LIMS1: variants seen among roughly 807,000 people sequenced by gnomAD.
LIMS1 encodes the protein LIM and senescent cell antigen-like-containing domain protein 1.
A neutral mutation model predicts 44.1 loss-of-function variants in LIMS1; 18 were observed. The ratio of observed to expected loss-of-function variants is 0.41; its 90% confidence interval spans 0.28 to 0.61. The LOEUF (loss-of-function observed/expected upper bound fraction) is 0.61, where lower values mean the gene tolerates loss of function less well. Ranked by LOEUF, LIMS1 falls within the 20% of genes least tolerant of loss-of-function variation. LIMS1 has a pLI of 0.32. For synonymous variants in LIMS1, 93 were observed against 149.1 expected, an observed-to-expected ratio of 0.62 and a Z score of 2.74; for missense variants, 201 against 422.0, an observed-to-expected ratio of 0.48 and a Z score of 4.59.
At chr2:108,674,737 A>G (rs13417627) in intron 5 of LIMS1, among the ~76,000 whole-genome samples, 10 of 130,134 alleles carry the variant, frequency 7.7e-5, no homozygotes, top group Non-Finnish European at 1.2e-4. Context: ...AAAAAAAAAA[A>G]AGAGAAAGAA....
intron 1 of LIMS1, among the ~76,000 whole-genome samples, chr2:108,643,577 C>T (rs565759146): frequency 3.9e-4 from 57 of 146,502 alleles, no homozygotes; most frequent in Non-Finnish European, 6.7e-4. Context: ...GGGCAGACAC[C>T]GAGCTAGCCA....
At chr2:108,631,916 C>T (rs1452164892) in intron 1 of LIMS1, among the ~76,000 whole-genome samples, 3 of 152,260 alleles carry the variant, frequency 2.0e-5, no homozygotes, top group Admixed American at 6.5e-5. Flanking sequence ...TTTCTCAGCT[C>T]CTTCACATTT....
At chr2:108,537,897 A>T (rs1412752397) in intron 1 of LIMS1, among the ~76,000 whole-genome samples, 1 of 152,214 alleles carries the variant, frequency 6.6e-6, no homozygotes, top group Non-Finnish European at 1.5e-5. Context: ...GCAGCAGATC[A>T]GTAACAGGAG....
chr2:108,660,412 A>G (rs1691274537), intron 2 of LIMS1: 1 of 434,358 alleles, frequency 2.3e-6, no homozygotes, highest in Admixed American at 2.8e-5. Flanking sequence ...AACATTACCG[A>G]AACCCCTTTC....
At chr2:108,633,533 CAGTT>C (rs1473112054) in intron 1 of LIMS1, among the ~76,000 whole-genome samples, 1 of 152,188 alleles carries the variant, frequency 6.6e-6, no homozygotes, top group Non-Finnish European at 1.5e-5. Context: ...CTTTGAAGCT[CAGTT>C]ATTTTGTTCT....
At chr2:108,654,891 C>T (rs1690743444) in intron 1 of LIMS1, 1 of 1,449,270 alleles carries the variant, frequency 6.9e-7, no homozygotes, top group South Asian at 1.5e-5. Context: ...TGCCATGTAA[C>T]TGTGTACTGT....
intron 1 of LIMS1, among the ~76,000 whole-genome samples, chr2:108,557,039 A>C (rs1684946791): frequency 6.6e-6 from 1 of 152,120 alleles, no homozygotes; most frequent in South Asian, 2.1e-4. Flanking sequence ...TCAGTCCTGT[A>C]GTAACTGTCA....
chr2:108,599,701 T>A (rs1686898136), intron 1 of LIMS1, among the ~76,000 whole-genome samples: 1 of 152,226 alleles, frequency 6.6e-6, no homozygotes, highest in African/African-American at 2.4e-5. Context: ...ATTGCCTGTC[T>A]TTTGGTTATA....
intron 1 of LIMS1, among the ~76,000 whole-genome samples, chr2:108,573,301 C>A (rs990208839): frequency 3.4e-5 from 5 of 147,806 alleles, no homozygotes; most frequent in African/African-American, 1.3e-4. Context: ...GTTTTCTTTT[C>A]TTTTCTTTTT....
chr2:108,577,840 C>T (rs989844560), intron 1 of LIMS1, among the ~76,000 whole-genome samples: 21 of 152,140 alleles, frequency 1.4e-4, no homozygotes, highest in African/African-American at 5.1e-4. Context: ...TAAAGTCTTG[C>T]CCATCTGTTC....
chr2:108,554,690 C>CT (rs1301085770), intron 1 of LIMS1, among the ~76,000 whole-genome samples: 1 of 152,148 alleles, frequency 6.6e-6, no homozygotes, highest in Non-Finnish European at 1.5e-5. Context: ...GTGCTGGCCT[C>CT]TAATGTTCAG....
At chr2:108,681,872 CAG>C (rs1693022996) in intron 9 of LIMS1, among the ~76,000 whole-genome samples, 1 of 149,916 alleles carries the variant, frequency 6.7e-6, no homozygotes. Flanking sequence ...GCTTGGGCGA[CAG>C]AGTGAGACTC....
chr2:108,547,191 G>T (rs1684508661), intron 1 of LIMS1, among the ~76,000 whole-genome samples: 1 of 152,334 alleles, frequency 6.6e-6, no homozygotes, highest in Non-Finnish European at 1.5e-5. Context: ...AAACTTTTCA[G>T]TTGCTGGGAA....
chr2:108,654,371 C>G (rs1429417656), intron 1 of LIMS1, among the ~76,000 whole-genome samples: 1 of 151,734 alleles, frequency 6.6e-6, no homozygotes, highest in Non-Finnish European at 1.5e-5. Context: ...AAACACTGGC[C>G]CTTGTCTGTT....
intron 1 of LIMS1, among the ~76,000 whole-genome samples, chr2:108,563,698 A>G (rs1230716367): frequency 2.0e-5 from 3 of 152,220 alleles, no homozygotes; most frequent in Non-Finnish European, 1.5e-5. Context: ...AATGATAACA[A>G]AGGATTTAGA....
chr2:108,659,070 G>C, intron 1 of LIMS1: 1 of 606,072 alleles, frequency 1.6e-6, no homozygotes, highest in Non-Finnish European at 2.1e-6. Context: ...TAACAGGACT[G>C]GGGCATCTTG....
intron 1 of LIMS1, among the ~76,000 whole-genome samples, chr2:108,612,131 T>C (rs1421661896): frequency 1.3e-5 from 2 of 150,724 alleles, no homozygotes; most frequent in Non-Finnish European, 2.9e-5. Context: ...AGATCAGGAT[T>C]GGAGGATTAA....
At chr2:108,537,096 G>A (rs886151806) in intron 1 of LIMS1, among the ~76,000 whole-genome samples, 3 of 152,214 alleles carry the variant, frequency 2.0e-5, no homozygotes, top group East Asian at 3.9e-4. Flanking sequence ...ACAGTACCAC[G>A]GCCCTCTTTA....
intron 2 of LIMS1, among the ~76,000 whole-genome samples, chr2:108,665,832 T>C (rs1453841317): frequency 6.6e-6 from 1 of 152,176 alleles, no homozygotes; most frequent in Admixed American, 6.5e-5. Flanking sequence ...CCAACAGCTT[T>C]CCTTTTAGGA....
Sources: allele counts gnomAD v4.1 joint callset (sites outside exome capture counted in the v4.1 genomes callset), GRCh38; gene constraint gnomAD v4.1.1; transcripts MANE v1.5; gene names NCBI Gene and HGNC (gene_info 2026-07-23, HGNC 2026-07-21).